BTBD9: variants seen among roughly 807,000 people sequenced by gnomAD.
BTBD9 encodes BTB domain containing 9, also known as BTB/POZ domain-containing protein 9.
A neutral mutation model predicts 64.3 loss-of-function variants in BTBD9; 49 were observed. The observed-to-expected ratio is 0.76, with a 90% CI of 0.61 to 0.97. The LOEUF (loss-of-function observed/expected upper bound fraction) is 0.97, where lower values mean the gene tolerates loss of function less well. Ranked by LOEUF, BTBD9 falls within the 50% of genes least tolerant of loss-of-function variation. The probability of loss-of-function intolerance (pLI) is 0.00; values close to 1 mark genes in which losing one functional copy is unlikely to be tolerated. For synonymous variants in BTBD9, 260 were observed against 274.7 expected, an observed-to-expected ratio of 0.95 and a Z score of 0.53; for missense variants, 598 against 762.1, an observed-to-expected ratio of 0.78 and a Z score of 2.53.
chr6:38,321,033 A>G (rs1562020585), intron 7 of BTBD9, among the ~76,000 whole-genome samples: 2 of 152,334 alleles, frequency 1.3e-5, no homozygotes, highest in South Asian at 4.1e-4. Context: ...ACTGAATCAG[A>G]TCAAGATCAT....
At chr6:38,354,931 G>C (rs926455902) in intron 6 of BTBD9, among the ~76,000 whole-genome samples, 10 of 151,954 alleles carry the variant, frequency 6.6e-5, no homozygotes, top group African/African-American at 9.7e-5. Context: ...GAGAGAGAGA[G>C]AGAGAGGAGA....
intron 6 of BTBD9, among the ~76,000 whole-genome samples, chr6:38,526,004 A>AT (rs1294235397): frequency 1.3e-5 from 2 of 152,248 alleles, no homozygotes; most frequent in African/African-American, 4.8e-5. Flanking sequence ...AGAAATTTGC[A>AT]TAAGTAAAGA....
chr6:38,444,867 A>G (rs1769197178), intron 6 of BTBD9, among the ~76,000 whole-genome samples: 1 of 152,242 alleles, frequency 6.6e-6, no homozygotes, highest in Admixed American at 6.5e-5. Context: ...ACTAACTAAA[A>G]GAAGATTTAT....
At chr6:38,619,667 A>G (rs777982062) in intron 1 of BTBD9, among the ~76,000 whole-genome samples, 5 of 152,154 alleles carry the variant, frequency 3.3e-5, no homozygotes, top group African/African-American at 9.7e-5. Flanking sequence ...GGTAAGTTTA[A>G]TCATTGAGGG....
chr6:38,457,809 T>C (rs1196768582), intron 6 of BTBD9, among the ~76,000 whole-genome samples: 1 of 152,154 alleles, frequency 6.6e-6, no homozygotes, highest in African/African-American at 2.4e-5. Context: ...ATACTGAAAT[T>C]ATCAGTTTAC....
intron 10 of BTBD9, among the ~76,000 whole-genome samples, chr6:38,192,311 T>C (rs951491893): frequency 2.0e-5 from 3 of 152,166 alleles, no homozygotes; most frequent in African/African-American, 7.2e-5. Flanking sequence ...AGCAAAGCAA[T>C]AGGGGCTGGC....
intron 1 of BTBD9, among the ~76,000 whole-genome samples, chr6:38,599,470 A>G (rs1028277096): frequency 6.6e-6 from 1 of 152,158 alleles, no homozygotes; most frequent in African/African-American, 2.4e-5. Flanking sequence ...TACTGCTTTG[A>G]TAAGTGTAAG....
At chr6:38,377,590 A>C (rs1430070585) in intron 6 of BTBD9, among the ~76,000 whole-genome samples, 1 of 152,192 alleles carries the variant, frequency 6.6e-6, no homozygotes, top group Non-Finnish European at 1.5e-5. Context: ...AGGCATGCAC[A>C]CACACACGGA....
chr6:38,638,011 G>A (rs761834512), intron 1 of BTBD9, among the ~76,000 whole-genome samples: 3 of 152,208 alleles, frequency 2.0e-5, no homozygotes, highest in Middle Eastern at 3.4e-3. Context: ...GAGACGTTCC[G>A]CTCCAGTTAC....
chr6:38,332,630 G>C (rs1224196214), intron 7 of BTBD9, among the ~76,000 whole-genome samples: 1 of 151,806 alleles, frequency 6.6e-6, no homozygotes, highest in Non-Finnish European at 1.5e-5. Context: ...GGGATGGGGA[G>C]AAGGAAAAGA....
rs1326025092 is a variant in BTBD9, at chr6:38,374,307, G to GTATA, written c.1155-29218_1155-29215dup. On this transcript the variant is annotated intron_variant, in intron 6 of 10. Coordinates refer to ENST00000481247, the MANE Select transcript of BTBD9 (RefSeq NM_001099272.2). ...AGTATATATATATATGTATATATAT[G>GTATA]TATATATATATATATATATGTATAT... Among the ~76,000 whole-genome samples, 173 of 58,894 alleles carry GTATA rather than the reference G, an allele frequency of 2.9e-3. 5 individuals carry two copies. The highest frequency in any genetic ancestry group is 7.9e-3 in the East Asian group (15 of 1,896). The allele number at this position is 58,894 out of a possible 152,430, so 38.6% of individuals were successfully genotyped here.
chr6:38,511,930 G>C (rs1391512519), intron 6 of BTBD9, among the ~76,000 whole-genome samples: 1 of 152,068 alleles, frequency 6.6e-6, no homozygotes, highest in Non-Finnish European at 1.5e-5. Flanking sequence ...GCTCAGAGTA[G>C]GAATTTTGAG....
At chr6:38,530,563 C>T (rs1330899867) in intron 6 of BTBD9, among the ~76,000 whole-genome samples, 1 of 97,904 alleles carries the variant, frequency 1.0e-5, no homozygotes, top group East Asian at 2.1e-4. Context: ...CTGGCCGACA[C>T]TTATGGAAAA....
chr6:38,323,057 A>T (rs548848046), intron 7 of BTBD9, among the ~76,000 whole-genome samples: 1 of 152,234 alleles, frequency 6.6e-6, no homozygotes, highest in African/African-American at 2.4e-5. Flanking sequence ...TCTAGCTGAG[A>T]CTGAGATTCA....
At chr6:38,226,201 G>A (rs114115249) in intron 9 of BTBD9, among the ~76,000 whole-genome samples, 1 of 152,198 alleles carries the variant, frequency 6.6e-6, no homozygotes, top group Non-Finnish European at 1.5e-5. Context: ...GGTTTCAAAG[G>A]GGGGTGGGAG....
rs1040734890 is a variant in BTBD9, at chr6:38,639,840, C to T, written c.-68G>A. 3.3e-5 allele frequency: 5 copies of T among 152,308 alleles called. No homozygotes were observed. Among genetic ancestry groups the T allele is most frequent in the African/African-American group, 9.7e-5 (4 of 41,400 alleles). The allele number at this position is 152,308 out of a possible 1,614,324, so 9.4% of individuals were successfully genotyped here. On this transcript the variant is annotated 5_prime_UTR_variant, in exon 1 of 11. Coordinates refer to ENST00000481247, the MANE Select transcript of BTBD9 (RefSeq NM_001099272.2). ...CTGAGACCAAGCTGCGACACAGACG[C>T]CTCTTCCGCCCGCTCCGCACCCCTC...
chr6:38,183,206 T>TTCC (rs1275155136), intron 10 of BTBD9, among the ~76,000 whole-genome samples: 1 of 152,210 alleles, frequency 6.6e-6, no homozygotes, highest in African/African-American at 2.4e-5. Flanking sequence ...GGTCTCGATC[T>TTCC]GACCTCGTGA....
At chr6:38,337,638 CCACTT>C (rs985165856) in intron 7 of BTBD9, among the ~76,000 whole-genome samples, 4 of 152,224 alleles carry the variant, frequency 2.6e-5, no homozygotes, top group African/African-American at 7.2e-5. Flanking sequence ...GTTCTCCACT[CCACTT>C]ATTTCCATAC....
At chr6:38,339,842 T>G (rs1214550465) in intron 7 of BTBD9, among the ~76,000 whole-genome samples, 1 of 152,206 alleles carries the variant, frequency 6.6e-6, no homozygotes, top group African/African-American at 2.4e-5. Flanking sequence ...AATTGTATAC[T>G]GAAATAGTGG....
Sources: gnomAD v4.1 joint callset for allele counts (sites outside exome capture counted in the v4.1 genomes callset) on GRCh38, gnomAD v4.1.1 for gene constraint, MANE v1.5 for transcripts, NCBI Gene and HGNC (gene_info 2026-07-23, HGNC 2026-07-21) for gene names.